The following ECI1 variants were observed in gnomAD, a reference collection of about 807,000 sequenced individuals.
ECI1 encodes enoyl-CoA delta isomerase 1, mitochondrial.
Under a neutral mutation model 34.2 loss-of-function variants are expected in ECI1, and 34 were observed. The ratio of observed to expected loss-of-function variants is 1.00; its 90% CI spans 0.76 to 1.33. The LOEUF is 1.33. Among genes scored for constraint, ECI1 ranks in the 40% most tolerant of loss-of-function variants. The pLI is 0.00. For missense variants in ECI1, 456 were observed against 422.2 expected, an observed-to-expected ratio of 1.08 and a Z score of -0.70; for synonymous variants, 211 against 193.0, an observed-to-expected ratio of 1.09 and a Z score of -0.77.
intron 2 of ECI1, among the ~76,000 whole-genome samples, chr16:2,250,261 CAAAAAAAAAAAAAAAA>C (rs560687371): frequency 3.0e-5 from 2 of 67,632 alleles, no homozygotes; most frequent in African/African-American, 1.3e-4. Flanking sequence ...ACTACATCTC[CAAAAAAAAAAAAAAAA>C]AAAAAAAAAG....
intron 2 of ECI1, among the ~76,000 whole-genome samples, chr16:2,250,291 G>C (rs536367576): frequency 6.9e-6 from 1 of 145,218 alleles, no homozygotes; most frequent in African/African-American, 2.5e-5. Flanking sequence ...AAAAAAGTCA[G>C]TTTGAAGTTG....
chr16:2,239,870 C>A lies in ECI1; in HGVS notation c.*109G>T. 2 of 1,240,304 alleles carry A rather than the reference C, an allele frequency of 1.6e-6. No homozygotes were observed. The highest frequency in any genetic ancestry group is 1.2e-6 in the Non-Finnish European group (1 of 844,578). 76.8% of individuals were successfully genotyped at this position (1,240,304 alleles called of 1,614,324 possible). On this transcript the variant is annotated 3_prime_UTR_variant, in exon 7 of 7. Coordinates refer to ENST00000301729, the MANE Select transcript of ECI1 (RefSeq NM_001919.4). ...AGGAACAGGAACTTCTACGTAACAT[C>A]AGCAAAATGAAACGCTGGCAGTACT...
At chr16:2,245,005 G>A (rs758066050) in intron 3 of ECI1, among the ~76,000 whole-genome samples, 8 of 152,198 alleles carry the variant, frequency 5.3e-5, no homozygotes, top group Non-Finnish European at 1.2e-4. Flanking sequence ...AGAATGATCT[G>A]GAATGTGTGG....
Position 2,239,948 on chromosome 16 carries a change from G to A in ECI1, c.*31C>T, listed in dbSNP as rs1382996220. On this transcript the variant is annotated 3_prime_UTR_variant, in exon 7 of 7. Transcript: ENST00000301729. The stretch of plus-strand genomic sequence containing the variant: ...ACCTCCCTGGGACCCACAGGGGCAC[G>A]TGTGGCCGTAAGCCTGTGGCAGCCC... 5.6e-6 allele frequency: 9 copies of A among 1,611,702 alleles called. No homozygotes were observed. The highest frequency in any genetic ancestry group is 1.3e-5 in the African/African-American group (1 of 74,922).
chr16:2,250,249 AGACTACATCTCC>A (rs2093550086), intron 2 of ECI1, among the ~76,000 whole-genome samples: 1 of 136,278 alleles, frequency 7.3e-6, no homozygotes, highest in South Asian at 2.5e-4. Context: ...CTGGAGAGCA[AGACTACATCTCC>A]AAAAAAAAAA....
rs553750091 is a variant in ECI1, at chr16:2,247,417, G to A, written c.167-431C>T. Among the ~76,000 whole-genome samples the A allele has an allele frequency of 2.6e-5, 4 of 151,642 alleles. No individual in the cohort carries two copies. The East Asian group carries it at 7.8e-4, about 30-fold the overall frequency. ...GTCCTATTTTTATTTACTTTTTTGA[G>A]ACGGAGTTTTGCTCTTGTTGCCCAG... On this transcript the variant is annotated intron_variant, in intron 2 of 6. Coordinates refer to ENST00000301729, the MANE Select transcript of ECI1 (RefSeq NM_001919.4).
intron 6 of ECI1, chr16:2,242,791 T>A: frequency 1.8e-6 from 1 of 540,768 alleles, no homozygotes; most frequent in South Asian, 2.1e-5. Flanking sequence ...GGAAGGAGCC[T>A]CCCTGGAACG....
chr16:2,246,714 TG>T, intron 3 of ECI1, 144 bp downstream of exon 3: 1 of 1,287,264 alleles, frequency 7.8e-7, no homozygotes. Context: ...TGAAGGCGCC[TG>T]GAGTCCAGGG....
chr16:2,249,988 G>C (rs1368632606), intron 2 of ECI1, among the ~76,000 whole-genome samples: 1 of 148,158 alleles, frequency 6.7e-6, no homozygotes, highest in Admixed American at 6.7e-5. Flanking sequence ...CGCCAGCCTG[G>C]GTGACAGAGG....
In ECI1 at chr16:2,240,063, C is replaced by T. The variant is rs1444713265; in HGVS notation, c.825G>A (p.Gln275=). 2.5e-6 allele frequency: 4 copies of T among 1,614,056 alleles called. No individual in the cohort carries two copies. The highest frequency in any genetic ancestry group is 2.2e-5 in the East Asian group (1 of 44,888). ...CTTTGGAGATGAAGCTGACGAAGTT[C>T]TGCACGTCCGCATCGCGCTGCGTGA... ...RLVTQRDADV[Q]NFVSFISKDS... Residue 275 remains glutamine, a synonymous_variant, in exon 7 of 7, where the codon CAG becomes CAA. Transcript: ENST00000301729.
rs2093541686 is a variant in ECI1, at chr16:2,246,922, C to T, written c.231G>A (p.Glu77=). 1 of 1,613,742 alleles carries T rather than the reference C, an allele frequency of 6.2e-7. No homozygotes were observed. Among genetic ancestry groups the T allele is most frequent in the Admixed American group, 1.7e-5 (1 of 59,988 alleles). The change falls in exon 3 of 7, where the codon GAG becomes GAA. Residue 77 remains glutamate (E), a synonymous_variant. Coordinates refer to ENST00000301729, the MANE Select transcript of ECI1 (RefSeq NM_001919.4). Reference sequence around the variant, plus strand: ...CCAGCTTCTCCAGGCTGATGACCAGCTCCGTCAGAAACTCCAGGCTCAGGC... The same window carrying T: ...CCAGCTTCTCCAGGCTGATGACCAGTTCCGTCAGAAACTCCAGGCTCAGGC... ...VNSLSLEFLT[E]LVISLEKLEN... is the part of the protein sequence containing the mutation.
At chr16:2,241,398 T>G (rs1596783196) in intron 6 of ECI1, among the ~76,000 whole-genome samples, 1 of 148,054 alleles carries the variant, frequency 6.8e-6, no homozygotes, top group South Asian at 2.2e-4. Context: ...CAGGTTCAAG[T>G]GATTCTCCGG....
intron 2 of ECI1, among the ~76,000 whole-genome samples, chr16:2,248,584 T>C (rs1351396114): frequency 6.6e-6 from 1 of 151,812 alleles, no homozygotes; most frequent in Non-Finnish European, 1.5e-5. Flanking sequence ...TGGCTAATTT[T>C]TGCATTTTTA....
intron 3 of ECI1, 50 bp from the exon 4 acceptor site, chr16:2,244,602 G>A: frequency 6.4e-7 from 1 of 1,550,986 alleles, no homozygotes. Context: ...CCTCCCAGCT[G>A]GCATCACAGC....
intron 6 of ECI1, chr16:2,240,362 CCA>C: frequency 3.9e-6 from 2 of 518,262 alleles, no homozygotes; most frequent in Non-Finnish European, 7.0e-6. Context: ...CAACCGTGTG[CCA>C]CCACACCCGG....
intron 2 of ECI1, among the ~76,000 whole-genome samples, chr16:2,251,086 C>T (rs1276199572): frequency 6.6e-6 from 1 of 152,248 alleles, no homozygotes; most frequent in Non-Finnish European, 1.5e-5. Context: ...TCTTAAAGTG[C>T]TAGGATTACA....
intron 2 of ECI1, among the ~76,000 whole-genome samples, 198 bp from the exon 3 acceptor site, chr16:2,247,184 C>G (rs993555946): frequency 1.3e-5 from 2 of 152,184 alleles, no homozygotes; most frequent in African/African-American, 4.8e-5. Flanking sequence ...GCAAGCTCTG[C>G]CTTCCGGGTT....
chr16:2,248,764 TACTG>T (rs1042223722), intron 2 of ECI1, among the ~76,000 whole-genome samples: 10 of 152,212 alleles, frequency 6.6e-5, no homozygotes, highest in African/African-American at 1.4e-4. Context: ...CAATTCAGTA[TACTG>T]ACTGTGTTGT....
At chr16:2,241,407 G>A (rs188791129) in intron 6 of ECI1, among the ~76,000 whole-genome samples, 4 of 147,238 alleles carry the variant, frequency 2.7e-5, no homozygotes, top group Non-Finnish European at 6.0e-5. Context: ...GTGATTCTCC[G>A]GCCTCAGCCT....
Sources: gnomAD v4.1 joint callset for allele counts (sites outside exome capture counted in the v4.1 genomes callset) on GRCh38, gnomAD v4.1.1 for gene constraint, MANE v1.5 for transcripts, NCBI Gene and HGNC (gene_info 2026-07-23, HGNC 2026-07-21) for gene names.